Variants in BMPR2 observed in about 807,000 individuals in gnomAD.
BMPR2 encodes bone morphogenetic protein receptor type 2.
A neutral mutation model predicts 100.8 loss-of-function variants in BMPR2; 29 were observed. The observed-to-expected ratio is 0.29, with a 90% CI of 0.21 to 0.39. The LOEUF is 0.39. Ranked by LOEUF, BMPR2 falls within the 10% of genes least tolerant of loss-of-function variation. BMPR2 has a pLI of 1.00. For synonymous variants in BMPR2, 382 were observed against 442.3 expected, an observed-to-expected ratio of 0.86 and a Z score of 1.71; for missense variants, 1,011 against 1,274.5, an observed-to-expected ratio of 0.79 and a Z score of 3.15.
rs189470577 is a variant in BMPR2, at chr2:202,486,924, G to A, written c.418+19235G>A. Among the ~76,000 whole-genome samples, 31 of 152,278 alleles carry A rather than the reference G, an allele frequency of 2.0e-4. No individual in the cohort carries two copies. In the East Asian group the frequency reaches 4.6e-3, roughly 23 times the overall value. On this transcript the variant is annotated intron_variant, in intron 3 of 12. Coordinates refer to ENST00000374580, the MANE Select transcript of BMPR2 (RefSeq NM_001204.7). ...GCACGCCTGTAGTGCCAGCCACTCA[G>A]GAGTCTGAGGTGGGAGGATCACCTG...
At chr2:202,379,324 G>A (rs1471273979) in intron 1 of BMPR2, among the ~76,000 whole-genome samples, 1 of 152,102 alleles carries the variant, frequency 6.6e-6, no homozygotes, top group East Asian at 1.9e-4. Flanking sequence ...CTTTTCCATA[G>A]AGGGAGAGTA....
chr2:202,524,091 GGTGGCTCA>G (rs1687865585), intron 7 of BMPR2, among the ~76,000 whole-genome samples: 2 of 152,068 alleles, frequency 1.3e-5, no homozygotes. Flanking sequence ...GGCCGGACGC[GGTGGCTCA>G]CGCCTGTAAT....
intron 1 of BMPR2, among the ~76,000 whole-genome samples, chr2:202,413,219 C>G (rs1381975865): frequency 6.6e-6 from 1 of 152,018 alleles, no homozygotes; most frequent in Non-Finnish European, 1.5e-5. Flanking sequence ...GTGCTTTTTG[C>G]TGGTGATTTC....
intron 2 of BMPR2, 35 bp from the exon 3 acceptor site, chr2:202,467,484 A>T: frequency 6.6e-7 from 1 of 1,513,666 alleles, no homozygotes; most frequent in South Asian, 1.1e-5. Flanking sequence ...TCTTTATCAT[A>T]TTGTCTCCTT....
At chr2:202,450,691 CAA>C (rs761806972) in intron 1 of BMPR2, among the ~76,000 whole-genome samples, 20 of 41,242 alleles carry the variant, frequency 4.8e-4, no homozygotes, top group African/African-American at 4.8e-4. Flanking sequence ...AACTCCATCT[CAA>C]AAAAAAAAAA....
chr2:202,466,247 C>A (rs936681843), intron 2 of BMPR2, among the ~76,000 whole-genome samples: 1 of 152,146 alleles, frequency 6.6e-6, no homozygotes, highest in Non-Finnish European at 1.5e-5. Context: ...TTCTCTCCAA[C>A]ACTGTATGAA....
At chr2:202,433,503 A>G (rs1691547805) in intron 1 of BMPR2, among the ~76,000 whole-genome samples, 1 of 150,790 alleles carries the variant, frequency 6.6e-6, no homozygotes, top group African/African-American at 2.5e-5. Context: ...CATAAAATTT[A>G]TAGTGAAACT....
chr2:202,530,686 G>T, intron 7 of BMPR2, 108 bp from the exon 8 acceptor site: 1 of 1,023,276 alleles, frequency 9.8e-7, no homozygotes, highest in Non-Finnish European at 1.4e-6. Flanking sequence ...TTTGTTATTA[G>T]AAAATTAATG....
intron 3 of BMPR2, among the ~76,000 whole-genome samples, chr2:202,496,057 AAGT>A (rs1693020279): frequency 6.6e-6 from 1 of 152,244 alleles, no homozygotes; most frequent in African/African-American, 2.4e-5. Context: ...CAACTCAAAA[AAGT>A]AGAGTGAACA....
chr2:202,555,603 A>T lies in BMPR2; in HGVS notation c.1938A>T (p.Ala646=). 1 of 1,614,164 alleles carries T rather than the reference A, an allele frequency of 6.2e-7. No individual in the cohort carries two copies. Among genetic ancestry groups the T allele is most frequent in the Non-Finnish European group, 8.5e-7 (1 of 1,180,022 alleles). Residue 646 remains alanine, a synonymous_variant, in exon 12 of 13, where the codon GCA becomes GCT. Transcript: ENST00000374580. ...DETNLHTTNV[A]QSIGPTPVCL... is the part of the protein sequence containing the mutation. ...CAAATCTGCATACCACAAATGTTGC[A>T]CAGTCAATTGGGCCAACCCCTGTCT...
At chr2:202,527,449 A>G (rs1295499084) in intron 7 of BMPR2, among the ~76,000 whole-genome samples, 1 of 150,844 alleles carries the variant, frequency 6.6e-6, no homozygotes, top group African/African-American at 2.4e-5. Context: ...GATTGCCGCC[A>G]CTGCACTCCA....
chr2:202,472,309 AT>A (rs1285400592), intron 3 of BMPR2, among the ~76,000 whole-genome samples: 1 of 152,160 alleles, frequency 6.6e-6, no homozygotes, highest in African/African-American at 2.4e-5. Flanking sequence ...GGATACATTT[AT>A]TTTTCACAAA....
chr2:202,393,882 CGAGA>C (rs56708616), intron 1 of BMPR2, among the ~76,000 whole-genome samples: 7,890 of 97,560 alleles, frequency 0.081, 266 homozygotes, highest in Non-Finnish European at 0.11. Flanking sequence ...AATGAGAGAG[CGAGA>C]GAGAGAGAGA....
rs1441053175 is a variant in BMPR2, at chr2:202,530,942, A to G, written c.1116A>G (p.Ala372=). 1 of 1,614,018 alleles carries G rather than the reference A, an allele frequency of 6.2e-7. No homozygotes were observed. Among genetic ancestry groups the G allele is most frequent in the African/African-American group, 1.3e-5 (1 of 74,928 alleles). ...RLVRPGEEDN[A]AISEVGTIRY... is the part of the protein sequence containing the mutation. ...TGCGCCCAGGGGAGGAAGATAATGC[A>G]GCCATAAGCGAGGTGAGTGTATACA... Residue 372 remains alanine (A), a synonymous_variant, in exon 8 of 13, where the codon GCA becomes GCG. Coordinates refer to ENST00000374580, the MANE Select transcript of BMPR2 (RefSeq NM_001204.7).
intron 10 of BMPR2, among the ~76,000 whole-genome samples, chr2:202,544,836 C>G (rs925836348): frequency 7.4e-6 from 1 of 134,874 alleles, no homozygotes; most frequent in South Asian, 2.3e-4. Context: ...GTGATCATGG[C>G]TCACTGCAGC....
intron 2 of BMPR2, among the ~76,000 whole-genome samples, chr2:202,466,721 C>T (rs1226632409): frequency 1.3e-5 from 2 of 151,948 alleles, no homozygotes; most frequent in African/African-American, 2.4e-5. Flanking sequence ...AAGCAATCCC[C>T]CCAAGTCAGT....
intron 1 of BMPR2, among the ~76,000 whole-genome samples, chr2:202,408,243 A>G (rs1188314997): frequency 6.6e-6 from 1 of 152,262 alleles, no homozygotes; most frequent in Non-Finnish European, 1.5e-5. Context: ...GTAAAATGCT[A>G]AAAGACTATT....
chr2:202,487,714 C>G (rs1376740867), intron 3 of BMPR2, among the ~76,000 whole-genome samples: 1 of 152,158 alleles, frequency 6.6e-6, no homozygotes, highest in African/African-American at 2.4e-5. Context: ...TAAGAAAGGA[C>G]AGCAAATTAT....
Position 202,502,421 on chromosome 2 carries a change from CAGAA to C in BMPR2, c.419-11294_419-11291del, listed in dbSNP as rs60522323. ...AAGAAGTCAGAAAGAGGAACAGACACAGAAAGAGAGTTAAAAAGAGAGGAAGAGA... is the reference window on the plus strand; with the variant it reads ...AAGAAGTCAGAAAGAGGAACAGACACAGAGAGTTAAAAAGAGAGGAAGAGA... On this transcript the variant is annotated intron_variant, in intron 3 of 12. Transcript: ENST00000374580. 7.8e-4 allele frequency among the ~76,000 whole-genome samples: 119 copies of C among 151,830 alleles called. 1 individual carries two copies. The highest frequency in any genetic ancestry group is 1.1e-3 in the Non-Finnish European group (72 of 67,936).
Sources: allele counts gnomAD v4.1 joint callset (sites outside exome capture counted in the v4.1 genomes callset), GRCh38; gene constraint gnomAD v4.1.1; transcripts MANE v1.5; gene names NCBI Gene and HGNC (gene_info 2026-07-23, HGNC 2026-07-21).